SH3GL2: variants seen among roughly 807,000 people sequenced by gnomAD.
SH3GL2 encodes the protein endophilin-A1.
Under a neutral mutation model 46.0 loss-of-function variants are expected in SH3GL2, and 24 were observed. The observed-to-expected ratio is 0.52, with a 90% CI of 0.38 to 0.73. SH3GL2 has a LOEUF of 0.73. Among genes scored for constraint, SH3GL2 ranks in the 30% least tolerant of loss-of-function variants. The pLI is 0.00. For missense variants in SH3GL2, 413 were observed against 424.2 expected (o/e 0.97, Z 0.23); for synonymous variants, 196 against 147.1 (o/e 1.33, Z -2.40).
intron 1 of SH3GL2, among the ~76,000 whole-genome samples, chr9:17,746,016 T>G (rs746419113): frequency 1.2e-4 from 18 of 152,208 alleles, no homozygotes; most frequent in Non-Finnish European, 1.5e-4. Flanking sequence ...AGAGTATCTT[T>G]TGTGTGATCC....
At chr9:17,687,464 G>A (rs540045117) in intron 1 of SH3GL2, among the ~76,000 whole-genome samples, 15 of 147,636 alleles carry the variant, frequency 1.0e-4, no homozygotes, top group Middle Eastern at 3.4e-3. Flanking sequence ...TCTGTAACAG[G>A]GTACATAGGT....
At chr9:17,650,428 G>C (rs1044465004) in intron 1 of SH3GL2, among the ~76,000 whole-genome samples, 2 of 152,138 alleles carry the variant, frequency 1.3e-5, no homozygotes, top group African/African-American at 4.8e-5. Flanking sequence ...CTGGAGTGCA[G>C]TGGCGCAATC....
intron 1 of SH3GL2, among the ~76,000 whole-genome samples, chr9:17,639,865 A>C (rs1819633455): frequency 6.6e-6 from 1 of 152,222 alleles, no homozygotes; most frequent in African/African-American, 2.4e-5. Flanking sequence ...TGCTAAGTGA[A>C]AGATGTCAAA....
chr9:17,725,362 C>G (rs1821994868), intron 1 of SH3GL2, among the ~76,000 whole-genome samples: 1 of 152,100 alleles, frequency 6.6e-6, no homozygotes, highest in Non-Finnish European at 1.5e-5. Flanking sequence ...TTTGGTGTCT[C>G]TCAGTTTCCT....
intron 1 of SH3GL2, among the ~76,000 whole-genome samples, chr9:17,731,837 G>A (rs1402372071): frequency 1.3e-5 from 2 of 152,096 alleles, no homozygotes; most frequent in African/African-American, 4.8e-5. Flanking sequence ...CTGGTCTCTT[G>A]GAGGAGCTAT....
At chr9:17,686,912 AC>A (rs1359230224) in intron 1 of SH3GL2, among the ~76,000 whole-genome samples, 1 of 144,582 alleles carries the variant, frequency 6.9e-6, no homozygotes, top group Non-Finnish European at 1.5e-5. Flanking sequence ...CACAATGTGC[AC>A]ATGTACCCTA....
At chr9:17,664,750 G>A (rs1588216398) in intron 1 of SH3GL2, among the ~76,000 whole-genome samples, 5 of 151,472 alleles carry the variant, frequency 3.3e-5, no homozygotes, top group Admixed American at 3.3e-4. Context: ...TTTGGAGGGA[G>A]TCTGGGGATA....
At chr9:17,638,628 G>A (rs946402975) in intron 1 of SH3GL2, among the ~76,000 whole-genome samples, 1 of 152,320 alleles carries the variant, frequency 6.6e-6, no homozygotes, top group East Asian at 1.9e-4. Context: ...TCTCCTCTTT[G>A]TGGGCTTGGG....
intron 1 of SH3GL2, among the ~76,000 whole-genome samples, chr9:17,610,927 A>G (rs561143955): frequency 2.2e-4 from 34 of 152,310 alleles, no homozygotes; most frequent in African/African-American, 7.9e-4. Context: ...AAATTAATAC[A>G]GTGAAAAATT....
intron 1 of SH3GL2, among the ~76,000 whole-genome samples, chr9:17,620,668 T>C (rs1185983452): frequency 6.6e-6 from 1 of 152,088 alleles, no homozygotes; most frequent in Non-Finnish European, 1.5e-5. Flanking sequence ...TGGAGAGAAA[T>C]GGAGGCATCA....
At chr9:17,783,086 C>T (rs1465928215) in intron 3 of SH3GL2, among the ~76,000 whole-genome samples, 61 of 152,082 alleles carry the variant, frequency 4.0e-4, no homozygotes, top group Admixed American at 3.9e-3. Context: ...GAATATTTTC[C>T]CCAGTATCCA....
intron 1 of SH3GL2, among the ~76,000 whole-genome samples, chr9:17,586,650 G>A (rs1348918868): frequency 6.6e-6 from 1 of 152,096 alleles, no homozygotes; most frequent in African/African-American, 2.4e-5. Context: ...TCACATGACG[G>A]CAGCAAGGAG....
intron 1 of SH3GL2, among the ~76,000 whole-genome samples, chr9:17,717,952 C>T (rs1367732236): frequency 6.6e-6 from 1 of 151,974 alleles, no homozygotes; most frequent in Non-Finnish European, 1.5e-5. Flanking sequence ...TTAGTGTGTG[C>T]CAACAGGGGG....
At chr9:17,728,187 T>G (rs1004565565) in intron 1 of SH3GL2, among the ~76,000 whole-genome samples, 1 of 152,192 alleles carries the variant, frequency 6.6e-6, no homozygotes, top group Non-Finnish European at 1.5e-5. Flanking sequence ...TTTCATTCTT[T>G]AGGAACCTGA....
At chr9:17,699,494 G>A (rs1821292414) in intron 1 of SH3GL2, among the ~76,000 whole-genome samples, 1 of 152,126 alleles carries the variant, frequency 6.6e-6, no homozygotes, top group South Asian at 2.1e-4. Context: ...CGTGTGTACA[G>A]TCTAGAAAGG....
intron 7 of SH3GL2, among the ~76,000 whole-genome samples, chr9:17,791,936 G>A (rs1824141484): frequency 6.6e-6 from 1 of 152,224 alleles, no homozygotes; most frequent in African/African-American, 2.4e-5. Context: ...CCGTGTGAAT[G>A]TGGCTCCGTG....
chr9:17,766,714 A>T (rs1321517457), intron 3 of SH3GL2, among the ~76,000 whole-genome samples: 1 of 152,124 alleles, frequency 6.6e-6, no homozygotes, highest in African/African-American at 2.4e-5. Context: ...TGTATTTTAT[A>T]CTTACAGCAC....
At chr9:17,596,404 G>C (rs73641994) in intron 1 of SH3GL2, among the ~76,000 whole-genome samples, 9 of 151,490 alleles carry the variant, frequency 5.9e-5, no homozygotes, top group South Asian at 2.1e-4. Flanking sequence ...CTGTTTTTTC[G>C]TAAAGGGAAA....
At chr9:17,585,710 T>TTGCATTGG (rs1156649221) in intron 1 of SH3GL2, among the ~76,000 whole-genome samples, 2 of 152,174 alleles carry the variant, frequency 1.3e-5, no homozygotes, top group Non-Finnish European at 2.9e-5. Flanking sequence ...TCACAGTGCG[T>TTGCATTGG]TGCATTGGTG....
Sources: gnomAD v4.1 joint callset for allele counts (sites outside exome capture counted in the v4.1 genomes callset) on GRCh38, gnomAD v4.1.1 for gene constraint, MANE v1.5 for transcripts, NCBI Gene and HGNC (gene_info 2026-07-23, HGNC 2026-07-21) for gene names.